Variants in LECT2 observed in about 807,000 individuals in gnomAD.
LECT2 encodes leukocyte cell derived chemotaxin 2.
In LECT2, 11 loss-of-function variants were observed where a neutral mutation model predicts 16.6. That is an observed-to-expected ratio of 0.66 (90% CI 0.42 to 1.09). The LOEUF is 1.09. LECT2 is among the 50% of genes least tolerant of loss of function. The probability of loss-of-function intolerance (pLI) is 0.00; values close to 1 mark genes in which losing one functional copy is unlikely to be tolerated. For synonymous variants in LECT2, 54 were observed against 64.8 expected, an observed-to-expected ratio of 0.83 and a Z score of 0.80; for missense variants, 173 against 184.2, an observed-to-expected ratio of 0.94 and a Z score of 0.35.
intron 1 of LECT2, 125 bp downstream of exon 1, chr5:135,954,663 T>G: frequency 1.5e-6 from 1 of 683,012 alleles, no homozygotes; most frequent in Non-Finnish European, 2.6e-6. Flanking sequence ...ATTTCATTTT[T>G]AATAGCCAAA....
At chr5:135,949,681 A>C (rs1280939170) in intron 3 of LECT2, among the ~76,000 whole-genome samples, 2 of 152,246 alleles carry the variant, frequency 1.3e-5, no homozygotes, top group African/African-American at 4.8e-5. Flanking sequence ...ACCCTTACGC[A>C]AAAGGACTGA....
intron 2 of LECT2, 39 bp downstream of exon 2, chr5:135,952,832 G>C (rs1290742526): frequency 6.9e-7 from 1 of 1,452,442 alleles, no homozygotes; most frequent in Non-Finnish European, 9.7e-7. Flanking sequence ...AAGAGGTTAG[G>C]GACCAAAGGG....
At chr5:135,951,659 G>T (rs556764256) in intron 2 of LECT2, 143 of 303,414 alleles carry the variant, frequency 4.7e-4, no homozygotes, top group African/African-American at 2.9e-3. Context: ...TTGGGGGAAT[G>T]AGGCAGTCCA....
rs112885773 is a variant in LECT2 at position 135,953,060 on chromosome 5, C to G, written c.47-93G>C. On this transcript the variant is annotated intron_variant, in intron 1 of 3. Transcript: ENST00000274507. ...AGTCACACAGTTGATCCTGACAATTCTGTTTTCACTGTAGTTTTCCCTGGA... is the reference window on the plus strand; with the variant it reads ...AGTCACACAGTTGATCCTGACAATTGTGTTTTCACTGTAGTTTTCCCTGGA... 8.8e-3 allele frequency: 6,790 copies of G among 768,810 alleles called. 325 individuals carry two copies. The African/African-American group carries it at 0.1, about 12-fold the overall frequency. 47.6% of individuals were successfully genotyped at this position (768,810 alleles called of 1,614,324 possible).
At chr5:135,950,686 A>G (rs1343153796) in intron 3 of LECT2, 1 of 153,562 alleles carries the variant, frequency 6.5e-6, no homozygotes, top group Non-Finnish European at 1.4e-5. Flanking sequence ...TTCACATTCA[A>G]CTCTTGCAGA....
At chr5:135,947,907 A>G (rs1763726605) in intron 3 of LECT2, among the ~76,000 whole-genome samples, 1 of 152,230 alleles carries the variant, frequency 6.6e-6, no homozygotes, top group Non-Finnish European at 1.5e-5. Flanking sequence ...ATAGAGTACA[A>G]TATAATAATT....
In LECT2 at chr5:135,947,093, T is replaced by C; in HGVS notation, c.*238A>G. 3.0e-6 allele frequency: 1 copy of C among 329,744 alleles called. No individual in the cohort carries two copies. Among genetic ancestry groups the C allele is most frequent in the Non-Finnish European group, 5.5e-6 (1 of 182,732 alleles). The allele number at this position is 329,744 out of a possible 1,614,324, so 20.4% of individuals were successfully genotyped here. On this transcript the variant is annotated 3_prime_UTR_variant, in exon 4 of 4. Transcript: ENST00000274507. ...GCATTTATCATGTTTCTATTTAAAC[T>C]CAAATTTCCTTTTTTTAATTAAAAA...
chr5:135,953,546 T>G (rs1313376936), intron 1 of LECT2, among the ~76,000 whole-genome samples: 1 of 152,332 alleles, frequency 6.6e-6, no homozygotes, highest in East Asian at 1.9e-4. Flanking sequence ...ATACTTTGCT[T>G]CAGATCCATT....
chr5:135,947,128 G>A lies in LECT2; in HGVS notation c.*203C>T, dbSNP rs1763713475. 1.0e-5 allele frequency: 4 copies of A among 388,608 alleles called. No individual in the cohort carries two copies. The highest frequency in any genetic ancestry group is 2.4e-4 in the South Asian group (2 of 8,332). The allele number at this position is 388,608 out of a possible 1,614,324, so 24.1% of individuals were successfully genotyped here. On this transcript the variant is annotated 3_prime_UTR_variant, in exon 4 of 4. Coordinates refer to ENST00000274507, the MANE Select transcript of LECT2 (RefSeq NM_002302.3). The stretch of plus-strand genomic sequence containing the variant: ...TTTTTTTAATTAAAAAATTTTTGTG[G>A]GTACATAGGTGTATTTGTTTATGAG...
At chr5:135,947,982 T>G (rs950719773) in intron 3 of LECT2, among the ~76,000 whole-genome samples, 1 of 152,242 alleles carries the variant, frequency 6.6e-6, no homozygotes, top group Non-Finnish European at 1.5e-5. Context: ...TGGCCTTATC[T>G]TGCCTATTAA....
At chr5:135,951,537 C>T (rs1378944413) in intron 2 of LECT2, 169 bp from the exon 3 acceptor site, 3 of 543,794 alleles carry the variant, frequency 5.5e-6, no homozygotes, top group Non-Finnish European at 9.6e-6. Flanking sequence ...CAATTTTAAC[C>T]TCCCTCCCCG....
At chr5:135,954,701 A>G in intron 1 of LECT2, 87 bp downstream of exon 1, 2 of 918,442 alleles carry the variant, frequency 2.2e-6, no homozygotes, top group Non-Finnish European at 3.6e-6. Context: ...TGATCATGCT[A>G]TTAATGACTT....
intron 3 of LECT2, among the ~76,000 whole-genome samples, chr5:135,948,923 C>T (rs1185477543): frequency 2.6e-5 from 4 of 152,156 alleles, no homozygotes; most frequent in Non-Finnish European, 5.9e-5. Context: ...GATCCATCCA[C>T]CTCGGCCTCC....
chr5:135,952,451 A>G (rs994418655), intron 2 of LECT2, among the ~76,000 whole-genome samples: 4 of 152,202 alleles, frequency 2.6e-5, no homozygotes, highest in African/African-American at 9.6e-5. Context: ...TTTGGTGGGA[A>G]GAGGAACCAA....
At chr5:135,949,415 T>G (rs1015562979) in intron 3 of LECT2, among the ~76,000 whole-genome samples, 1 of 152,220 alleles carries the variant, frequency 6.6e-6, no homozygotes. Flanking sequence ...GAGGATGCAC[T>G]GGGCTCACTG....
In LECT2 at chr5:135,954,981, T is replaced by TTAA. The variant is rs1357672336; in HGVS notation, c.-149_-148insTTA. The TTAA allele has an allele frequency of 1.6e-6, 1 of 622,046 alleles. No individual in the cohort carries two copies. Among genetic ancestry groups the TTAA allele is most frequent in the African/African-American group, 1.8e-5 (1 of 54,152 alleles). 38.5% of individuals were successfully genotyped at this position (622,046 alleles called of 1,614,324 possible). A position where few individuals can be genotyped will look rare whatever the true frequency, so the allele number is the denominator to read the frequency against. Reference sequence around the variant, plus strand: ...TTCTTTAGTGTGAGACACAAAAAGTTTAAGAGGATGGAGCAAGTCAAGTTC... The same window carrying TTAA: ...TTCTTTAGTGTGAGACACAAAAAGTTTAATAAGAGGATGGAGCAAGTCAAGTTC... On this transcript the variant is annotated 5_prime_UTR_variant, in exon 1 of 4. Coordinates refer to ENST00000274507, the MANE Select transcript of LECT2 (RefSeq NM_002302.3).
intron 3 of LECT2, 44 bp downstream of exon 3, chr5:135,951,179 A>AC: frequency 6.3e-7 from 1 of 1,587,208 alleles, no homozygotes; most frequent in Non-Finnish European, 8.6e-7. Context: ...ATGAGCATCA[A>AC]CATCTCCAGG....
chr5:135,950,372 A>G (rs1326852501), intron 3 of LECT2, among the ~76,000 whole-genome samples: 3 of 152,216 alleles, frequency 2.0e-5, no homozygotes, highest in South Asian at 2.1e-4. Context: ...TATTTATACC[A>G]TTTTTAGAAA....
intron 1 of LECT2, 31 bp from the exon 2 acceptor site, chr5:135,952,998 C>T (rs1386151195): frequency 6.8e-7 from 1 of 1,474,458 alleles, no homozygotes; most frequent in Non-Finnish European, 9.5e-7. Context: ...AGCAGAGCTC[C>T]TGGCCTCAGA....
Sources: gnomAD v4.1 joint callset for allele counts (sites outside exome capture counted in the v4.1 genomes callset) on GRCh38, gnomAD v4.1.1 for gene constraint, MANE v1.5 for transcripts, NCBI Gene and HGNC (gene_info 2026-07-23, HGNC 2026-07-21) for gene names.